Variants in DNAH5 observed in about 807,000 individuals in gnomAD.
The protein encoded by DNAH5 is axonemal beta dynein heavy chain 5.
A neutral mutation model predicts 518.2 loss-of-function variants in DNAH5; 372 were observed. That is an observed-to-expected ratio of 0.72 (90% CI 0.66 to 0.78). DNAH5 has a LOEUF of 0.78. Among genes scored for constraint, DNAH5 ranks in the 30% least tolerant of loss-of-function variants. The pLI is 0.00. For synonymous variants in DNAH5, 2,039 were observed against 2,025.9 expected (o/e 1.01, Z -0.17); for missense variants, 5,523 against 5,687.0 (o/e 0.97, Z 0.93).
intron 65 of DNAH5, among the ~76,000 whole-genome samples, chr5:13,746,508 G>C (rs1328219841): frequency 2.0e-5 from 3 of 152,136 alleles, no homozygotes; most frequent in Admixed American, 6.6e-5. Flanking sequence ...TGGCCTGTTA[G>C]TAAGAGAAGT....
intron 1 of DNAH5, among the ~76,000 whole-genome samples, chr5:13,970,519 G>A (rs574362165): frequency 7.2e-5 from 11 of 151,930 alleles, no homozygotes; most frequent in Non-Finnish European, 1.5e-4. Context: ...TTGTTTGTCT[G>A]AAAAAGACTA....
chr5:13,883,352 T>A (rs1456809194), intron 19 of DNAH5, among the ~76,000 whole-genome samples: 1 of 152,102 alleles, frequency 6.6e-6, no homozygotes, highest in Non-Finnish European at 1.5e-5. Context: ...CTGTGTGGGA[T>A]CAGGCTAAAT....
At chr5:13,717,144 T>C (rs1176458897) in intron 73 of DNAH5, among the ~76,000 whole-genome samples, 171 bp downstream of exon 73, 1 of 152,140 alleles carries the variant, frequency 6.6e-6, no homozygotes, top group Non-Finnish European at 1.5e-5. Context: ...ATTTGATCAA[T>C]TTTTCCTGAA....
At chr5:13,727,750 C>G in intron 69 of DNAH5, 94 bp from the exon 70 acceptor site, 1 of 1,324,628 alleles carries the variant, frequency 7.5e-7, no homozygotes, top group Non-Finnish European at 1.1e-6. Context: ...CTGACCTCTC[C>G]AGATATGTGT....
chr5:13,920,711 C>A, intron 5 of DNAH5, 94 bp from the exon 6 acceptor site: 1 of 1,459,608 alleles, frequency 6.9e-7, no homozygotes, highest in Admixed American at 1.7e-5. Flanking sequence ...ACTCTGACAG[C>A]GCTCTGGAAA....
intron 51 of DNAH5, among the ~76,000 whole-genome samples, chr5:13,787,196 T>C (rs940776766): frequency 2.5e-4 from 35 of 140,998 alleles, no homozygotes; most frequent in African/African-American, 9.1e-4. Context: ...AGAGCGAGAC[T>C]CTGTTTCAAA....
chr5:13,923,365 C>G lies in DNAH5; in HGVS notation c.353G>C (p.Gly118Ala). 3.7e-6 allele frequency: 6 copies of G among 1,614,180 alleles called. No homozygotes were observed. Among genetic ancestry groups the G allele is most frequent in the Non-Finnish European group, 5.1e-6 (6 of 1,180,010 alleles). ...IKKPKVFVTEGNDVALTGVCV... is the reference protein window; with the variant it reads ...IKKPKVFVTEANDVALTGVCV... ...TACCCCAGTAAGAGCCACATCGTTT[C>G]CCTCGGTCACGAACACCTTAGGTTT... The change falls in exon 4 of 79, where the codon GGA (glycine) becomes GCA (alanine). Residue 118 changes from glycine (G) to alanine (A), a missense_variant. Physicochemically the swap from Gly to Ala is moderately conservative, Grantham distance 60. Transcript: ENST00000265104.
chr5:14,001,743 CAA>C (rs937304934), intron 1 of DNAH5, among the ~76,000 whole-genome samples: 1 of 150,606 alleles, frequency 6.6e-6, no homozygotes, highest in Admixed American at 6.6e-5. Context: ...AAATTTGAAG[CAA>C]AAGAGAAGCT....
chr5:13,714,574 T>C lies in DNAH5; in HGVS notation c.12956A>G (p.Asn4319Ser), dbSNP rs748008373. ...CTTGCTCTGGTAGGTGATGTCAGCA[T>C]TGGGGTGCAGCCCAAACACCTCAGG... ...DSPEVFGLHPNADITYQSKLA... is the reference protein window; with the variant it reads ...DSPEVFGLHPSADITYQSKLA... Residue 4319 changes from asparagine (N) to serine (S), a missense_variant, in exon 75 of 79, where the codon AAT (asparagine) becomes AGT (serine). By Grantham distance (46) the Asn-to-Ser change is conservative (BLOSUM62 1). Coordinates refer to ENST00000265104, the MANE Select transcript of DNAH5 (RefSeq NM_001369.3). 42 of 1,614,002 alleles carry C rather than the reference T, an allele frequency of 2.6e-5. No homozygotes were observed. The highest frequency in any genetic ancestry group is 3.3e-4 in the Middle Eastern group (2 of 6,074).
At chr5:13,830,560 T>G (rs1392304752) in intron 36 of DNAH5, 37 bp downstream of exon 36, 1 of 1,608,108 alleles carries the variant, frequency 6.2e-7, no homozygotes, top group East Asian at 2.2e-5. Flanking sequence ...CCACCTTGGC[T>G]GCAATTTCTC....
chr5:13,727,887 A>G (rs187141523), intron 69 of DNAH5, among the ~76,000 whole-genome samples: 2 of 152,282 alleles, frequency 1.3e-5, no homozygotes, highest in African/African-American at 4.8e-5. Flanking sequence ...CAAAGTAGGG[A>G]GAGTCATGGG....
Position 13,720,874 on chromosome 5 carries a change from C to T in DNAH5, c.12279+126G>A, listed in dbSNP as rs546530396. 91 of 1,309,242 alleles carry T rather than the reference C, an allele frequency of 7.0e-5. 2 individuals are homozygous for T. The South Asian group carries it at 1.2e-3, about 17-fold the overall frequency. The allele number at this position is 1,309,242 out of a possible 1,614,324, so 81.1% of individuals were successfully genotyped here. A position where few individuals can be genotyped will look rare whatever the true frequency, so the allele number is the denominator to read the frequency against. On this transcript the variant is annotated intron_variant, in intron 71 of 78. Coordinates refer to ENST00000265104, the MANE Select transcript of DNAH5 (RefSeq NM_001369.3). ...TTAGCTTAAATTTAAAAAAAAAACG[C>T]TGTTTAGTAAACAGCAGGCAGCATG...
chr5:13,899,764 T>G (rs1348836438), intron 15 of DNAH5: 1 of 197,168 alleles, frequency 5.1e-6, no homozygotes, highest in African/African-American at 2.4e-5. Context: ...TCTTATAACC[T>G]GACTGTTGAC....
intron 75 of DNAH5, among the ~76,000 whole-genome samples, chr5:13,708,889 G>A (rs1257302186): frequency 1.3e-5 from 2 of 152,160 alleles, no homozygotes; most frequent in South Asian, 4.1e-4. Context: ...ACCTAAGGTA[G>A]CACTGACAAA....
At position 13,866,182 on chromosome 5, in the gene DNAH5, T is replaced by G. The variant is rs758198052; in HGVS notation, c.4116+38A>C. The stretch of plus-strand genomic sequence containing the variant: ...ATGTGTGTTTAAAACACAACAAAGT[T>G]TCATTGTTTAGAAAGTCATAGAAAC... On this transcript the variant is annotated intron_variant, in intron 26 of 78. Coordinates refer to ENST00000265104, the MANE Select transcript of DNAH5 (RefSeq NM_001369.3). The G allele has an allele frequency of 3.5e-5, 56 of 1,591,492 alleles. No homozygotes were observed. The East Asian group carries it at 1.3e-3, about 36-fold the overall frequency.
chr5:13,820,840 A>AC (rs1203168100), intron 40 of DNAH5, among the ~76,000 whole-genome samples: 1 of 146,958 alleles, frequency 6.8e-6, no homozygotes, highest in Non-Finnish European at 1.5e-5. Flanking sequence ...AAAAAAAAAA[A>AC]AAAACACATC....
intron 72 of DNAH5, 21 bp downstream of exon 72, chr5:13,718,861 C>T (rs760646026): frequency 1.6e-5 from 25 of 1,582,440 alleles, no homozygotes; most frequent in South Asian, 8.9e-5. Context: ...CCTGTAGACT[C>T]GCAAGTATTT....
At chr5:13,788,399 G>A (rs1756412062) in intron 51 of DNAH5, among the ~76,000 whole-genome samples, 1 of 152,162 alleles carries the variant, frequency 6.6e-6, no homozygotes, top group African/African-American at 2.4e-5. Context: ...GCTAACTAAT[G>A]TGTGGTGGAT....
At chr5:13,805,434 G>T (rs964412114) in intron 47 of DNAH5, among the ~76,000 whole-genome samples, 8 of 152,096 alleles carry the variant, frequency 5.3e-5, no homozygotes, top group Non-Finnish European at 1.0e-4. Flanking sequence ...GGAGGTGGAG[G>T]TTGCAGTGAG....
Sources: gnomAD v4.1 joint callset for allele counts (sites outside exome capture counted in the v4.1 genomes callset) on GRCh38, gnomAD v4.1.1 for gene constraint, MANE v1.5 for transcripts, NCBI Gene and HGNC (gene_info 2026-07-23, HGNC 2026-07-21) for gene names.